Variants in PNPLA8 observed in about 807,000 individuals in gnomAD.
PNPLA8 encodes the protein calcium-independent phospholipase A2-gamma.
PNPLA8 carries 39 observed loss-of-function variants against 76.9 expected under a neutral mutation model. The observed-to-expected ratio is 0.51, with a 90% CI of 0.39 to 0.66. PNPLA8 has a LOEUF of 0.66. Ranked by LOEUF, PNPLA8 falls within the 30% of genes least tolerant of loss-of-function variation. PNPLA8 has a pLI of 0.00. For missense variants in PNPLA8, 887 were observed against 918.0 expected (o/e 0.97, Z 0.44); for synonymous variants, 301 against 307.9 (o/e 0.98, Z 0.24).
chr7:108,479,143 G>A, intron 10 of PNPLA8, 41 bp downstream of exon 10: 2 of 1,410,278 alleles, frequency 1.4e-6, no homozygotes, highest in Non-Finnish European at 2.0e-6. Flanking sequence ...CTGCTAGAAT[G>A]CTAGAAGTTG....
chr7:108,485,313 T>G (rs1324191028), intron 9 of PNPLA8, among the ~76,000 whole-genome samples: 1 of 152,168 alleles, frequency 6.6e-6, no homozygotes. Context: ...CTTCTCACTT[T>G]ATAATTTTCT....
intron 4 of PNPLA8, chr7:108,510,536 C>T: frequency 7.2e-7 from 1 of 1,388,508 alleles, no homozygotes. Context: ...TGGCGTGAGC[C>T]CAAAGGTCCG....
At chr7:108,497,423 T>G in intron 6 of PNPLA8, 60 bp downstream of exon 6, 1 of 1,126,046 alleles carries the variant, frequency 8.9e-7, no homozygotes, top group Non-Finnish European at 1.3e-6. Context: ...ACATAAGTGC[T>G]TAATGTTCTT....
Position 108,515,019 on chromosome 7 carries a change from T to G in PNPLA8, c.473A>C (p.Lys158Thr), listed in dbSNP as rs1250177782. 2 of 1,607,802 alleles carry G rather than the reference T, an allele frequency of 1.2e-6. No homozygotes were observed. Among genetic ancestry groups the G allele is most frequent in the African/African-American group, 2.7e-5 (2 of 75,040 alleles). Residue 158 changes from lysine to threonine, a missense_variant, in exon 3 of 11, where the codon AAA becomes ACA. Lys to Thr is a moderately conservative substitution (Grantham distance 78, BLOSUM62 -1). Coordinates refer to ENST00000257694, the MANE Select transcript of PNPLA8 (RefSeq NM_001256007.3). ...TTCTGCTGATTTGTCACTATATTTTTTCAGAGATTTGATGGCTTGTTTGAT... is the reference window on the plus strand; with the variant it reads ...TTCTGCTGATTTGTCACTATATTTTGTCAGAGATTTGATGGCTTGTTTGAT... Reference protein sequence around the residue: ...KNIKQAIKSLKKYSDKSAEKS... With the variant: ...KNIKQAIKSLTKYSDKSAEKS...
chr7:108,488,706 A>G (rs1860926677), intron 8 of PNPLA8, among the ~76,000 whole-genome samples: 1 of 152,242 alleles, frequency 6.6e-6, no homozygotes, highest in Non-Finnish European at 1.5e-5. Flanking sequence ...TACACAATCA[A>G]TGCTTTCAGG....
Position 108,514,817 on chromosome 7 carries a change from CT to C in PNPLA8, c.674del (p.Lys225ArgfsTer17). On this transcript the variant is annotated frameshift_variant, in exon 3 of 11. Transcript: ENST00000257694. LOFTEE classifies it high-confidence loss of function. ...FKRKEKMSQQ[K>X]ENEHFRDKSE... Reference sequence around the variant, plus strand: ...ATTTGTCCCGGAAATGTTCATTTTCCTTTTGTTGAGACATTTTTTCCTTACG... The same window carrying C: ...ATTTGTCCCGGAAATGTTCATTTTCCTTTGTTGAGACATTTTTTCCTTACG... The C allele has an allele frequency of 6.2e-7, 1 of 1,613,276 alleles. No individual in the cohort carries two copies. Among genetic ancestry groups the C allele is most frequent in the South Asian group, 1.1e-5 (1 of 91,030 alleles).
intron 8 of PNPLA8, among the ~76,000 whole-genome samples, chr7:108,489,392 C>G (rs759625984): frequency 6.6e-6 from 1 of 152,218 alleles, no homozygotes; most frequent in African/African-American, 2.4e-5. Flanking sequence ...CTCTATAACT[C>G]TTCCTGCACA....
intron 10 of PNPLA8, 106 bp from the exon 11 acceptor site, chr7:108,472,781 C>T (rs1437646056): frequency 2.9e-6 from 2 of 698,672 alleles, no homozygotes; most frequent in East Asian, 6.0e-5. Flanking sequence ...TTTTTAGGCA[C>T]ATTACAAAGA....
chr7:108,474,039 A>G lies in PNPLA8; in HGVS notation c.2075-1364T>C, dbSNP rs140893873. On this transcript the variant is annotated intron_variant, in intron 10 of 10. Coordinates refer to ENST00000257694, the MANE Select transcript of PNPLA8 (RefSeq NM_001256007.3). ...TACATATGTTATATGAGAATTCTCT[A>G]TATATTTTGAACTTGATTATATATT... 3.3e-5 allele frequency among the ~76,000 whole-genome samples: 5 copies of G among 152,194 alleles called. No homozygotes were observed. In the East Asian group the frequency reaches 9.7e-4, roughly 29 times the overall value.
At chr7:108,488,556 G>A (rs568123150) in intron 8 of PNPLA8, among the ~76,000 whole-genome samples, 1 of 152,258 alleles carries the variant, frequency 6.6e-6, no homozygotes, top group Admixed American at 6.5e-5. Context: ...TGGGTGACAA[G>A]AGTGGGACTC....
intron 5 of PNPLA8, among the ~76,000 whole-genome samples, chr7:108,501,729 C>T (rs1861961359): frequency 6.6e-6 from 1 of 152,108 alleles, no homozygotes. Context: ...GAGACTGAGA[C>T]AGGAGAATCG....
Position 108,516,246 on chromosome 7 carries a change from T to C in PNPLA8, c.-83-672A>G, listed in dbSNP as rs529924258. On this transcript the variant is annotated intron_variant, in intron 2 of 10. Transcript: ENST00000257694. ...AAAAGAATAATCCAATTTAAAAATG[T>C]GGTATTGGTAAAAGAAAAGACAAAT... Among the ~76,000 whole-genome samples the C allele has an allele frequency of 1.2e-3, 187 of 152,308 alleles. 1 individual carries two copies. The highest frequency in any genetic ancestry group is 4.4e-3 in the African/African-American group (181 of 41,582).
At chr7:108,490,922 A>C (rs1297324850) in intron 8 of PNPLA8, among the ~76,000 whole-genome samples, 1 of 152,212 alleles carries the variant, frequency 6.6e-6, no homozygotes, top group Non-Finnish European at 1.5e-5. Flanking sequence ...GTTTTACCGA[A>C]TTTATAAAAG....
intron 5 of PNPLA8, among the ~76,000 whole-genome samples, chr7:108,498,319 T>C (rs1051381318): frequency 6.6e-6 from 1 of 151,682 alleles, no homozygotes; most frequent in Non-Finnish European, 1.5e-5. Flanking sequence ...CAGGCTGGAG[T>C]GCAGTGGCTC....
chr7:108,491,597 C>A, intron 7 of PNPLA8, 130 bp from the exon 8 acceptor site: 1 of 651,938 alleles, frequency 1.5e-6, no homozygotes, highest in Non-Finnish European at 2.7e-6. Context: ...ACATGTAAGA[C>A]TCTCCTCTAG....
In PNPLA8 at chr7:108,497,592, A is replaced by G. The variant is rs1288152880; in HGVS notation, c.1359-15T>C. On this transcript the variant is annotated splice_polypyrimidine_tract_variant and intron_variant, in intron 5 of 10. Coordinates refer to ENST00000257694, the MANE Select transcript of PNPLA8 (RefSeq NM_001256007.3). Reference sequence around the variant, plus strand: ...CAACCACGCCCCTACAGAAAAGATTAAAGACAAAATGACAATTCCTGTTTA... The same window carrying G: ...CAACCACGCCCCTACAGAAAAGATTGAAGACAAAATGACAATTCCTGTTTA... The G allele has an allele frequency of 1.1e-5, 16 of 1,476,866 alleles. No homozygotes were observed. The highest frequency in any genetic ancestry group is 1.3e-5 in the Non-Finnish European group (14 of 1,087,968). The allele number at this position is 1,476,866 out of a possible 1,614,324, so 91.5% of individuals were successfully genotyped here. A position where few individuals can be genotyped will look rare whatever the true frequency, so the allele number is the denominator to read the frequency against.
intron 8 of PNPLA8, among the ~76,000 whole-genome samples, 159 bp downstream of exon 8, chr7:108,491,251 G>A (rs1278581129): frequency 6.6e-6 from 1 of 152,184 alleles, no homozygotes; most frequent in Non-Finnish European, 1.5e-5. Context: ...AGGTTATGGT[G>A]AGCCGAGATC....
At position 108,514,506 on chromosome 7, in the gene PNPLA8, T is replaced by G; in HGVS notation, c.986A>C (p.Lys329Thr). 6.2e-7 allele frequency: 1 copy of G among 1,614,052 alleles called. No individual in the cohort carries two copies. The highest frequency in any genetic ancestry group is 8.5e-7 in the Non-Finnish European group (1 of 1,179,922). ...GTCTTTGCTGACAGCCTGATCAGTT[T>G]TAGCAGGCTCTTCCTGTTCTTCTGA... ...SQSEEQEEPA[K>T]TDQAVSKDRN... The change falls in exon 3 of 11, where the codon AAA (lysine) becomes ACA (threonine). Residue 329 changes from lysine to threonine, a missense_variant. Lys to Thr is a moderately conservative substitution (Grantham distance 78). Transcript: ENST00000257694.
intron 4 of PNPLA8, chr7:108,510,177 TA>T (rs377411888): frequency 0.11 from 67,158 of 595,910 alleles, 7 homozygotes; most frequent in Middle Eastern, 0.14. Flanking sequence ...TAAAGTATAA[TA>T]AAAAAAAAAA....
Sources: gnomAD v4.1 joint callset for allele counts (sites outside exome capture counted in the v4.1 genomes callset) on GRCh38, gnomAD v4.1.1 for gene constraint, MANE v1.5 for transcripts, NCBI Gene and HGNC (gene_info 2026-07-23, HGNC 2026-07-21) for gene names.